Variants in CNTNAP5 observed in about 807,000 individuals in gnomAD.
CNTNAP5 encodes contactin-associated protein-like 5.
Under a neutral mutation model 150.2 loss-of-function variants are expected in CNTNAP5, and 72 were observed. That is an observed-to-expected ratio of 0.48 (90% CI 0.40 to 0.58). The LOEUF (loss-of-function observed/expected upper bound fraction) is 0.58. Ranked by LOEUF, CNTNAP5 falls within the 20% of genes least tolerant of loss-of-function variation. CNTNAP5 has a pLI of 0.00. For synonymous variants in CNTNAP5, 672 were observed against 619.8 expected, an observed-to-expected ratio of 1.08 and a Z score of -1.25; for missense variants, 1,636 against 1,626.2, an observed-to-expected ratio of 1.01 and a Z score of -0.10.
chr2:124,914,692 C>T lies in CNTNAP5; in HGVS notation c.*404C>T, dbSNP rs558462294. The T allele has an allele frequency of 1.3e-5, 2 of 157,160 alleles. No homozygotes were observed. Among genetic ancestry groups the T allele is most frequent in the Non-Finnish European group, 2.8e-5 (2 of 71,370 alleles). 9.7% of individuals were successfully genotyped at this position (157,160 alleles called of 1,614,324 possible). On this transcript the variant is annotated 3_prime_UTR_variant, in exon 24 of 24. Coordinates refer to ENST00000682447, the MANE Select transcript of CNTNAP5 (RefSeq NM_001367498.1). ...GCACATGACGGTCATTCCTGACATC[C>T]TCCCCAGCTCAAGTCTATTCTTACC...
chr2:124,748,406 C>A (rs1458052374), intron 14 of CNTNAP5, among the ~76,000 whole-genome samples: 9 of 152,116 alleles, frequency 5.9e-5, no homozygotes, highest in Non-Finnish European at 1.2e-4. Context: ...TACATTTACT[C>A]TTCTTTTATC....
chr2:124,670,790 C>A (rs143133363), intron 13 of CNTNAP5, among the ~76,000 whole-genome samples: 8 of 152,180 alleles, frequency 5.3e-5, no homozygotes, highest in African/African-American at 1.9e-4. Flanking sequence ...ATAAATAGAA[C>A]CTTCTTAGCA....
At chr2:124,820,382 A>G (rs1346871772) in intron 19 of CNTNAP5, among the ~76,000 whole-genome samples, 1 of 152,084 alleles carries the variant, frequency 6.6e-6, no homozygotes, top group Admixed American at 6.6e-5. Flanking sequence ...CTAAACCACA[A>G]TTTGATCTGT....
At chr2:124,698,952 T>C (rs1173643402) in intron 13 of CNTNAP5, among the ~76,000 whole-genome samples, 1 of 152,214 alleles carries the variant, frequency 6.6e-6, no homozygotes, top group Non-Finnish European at 1.5e-5. Flanking sequence ...AATGGAATTC[T>C]GTATGATGAT....
intron 16 of CNTNAP5, 32 bp downstream of exon 16, chr2:124,764,179 C>G: frequency 6.4e-7 from 1 of 1,571,648 alleles, no homozygotes; most frequent in Non-Finnish European, 8.7e-7. Flanking sequence ...TTTAATGTAA[C>G]TGATCAACAA....
intron 19 of CNTNAP5, among the ~76,000 whole-genome samples, chr2:124,831,678 C>T (rs1682719223): frequency 6.6e-6 from 1 of 151,032 alleles, no homozygotes; most frequent in African/African-American, 2.4e-5. Context: ...TTTTTAGAAA[C>T]ATATTTCCTT....
intron 13 of CNTNAP5, among the ~76,000 whole-genome samples, chr2:124,656,848 A>G (rs961863937): frequency 6.6e-6 from 1 of 152,238 alleles, no homozygotes; most frequent in Non-Finnish European, 1.5e-5. Flanking sequence ...ACAATGTTCT[A>G]ATATTAAGAT....
At chr2:124,848,820 AC>A (rs1683100756) in intron 19 of CNTNAP5, among the ~76,000 whole-genome samples, 1 of 152,102 alleles carries the variant, frequency 6.6e-6, no homozygotes, top group African/African-American at 2.4e-5. Context: ...TCTATCCAGA[AC>A]TTTTGCTCAC....
intron 2 of CNTNAP5, among the ~76,000 whole-genome samples, chr2:124,233,942 A>G (rs1012555532): frequency 6.6e-6 from 1 of 152,066 alleles, no homozygotes; most frequent in African/African-American, 2.4e-5. Flanking sequence ...TGTCTTTTAA[A>G]AGAAAATTGC....
At position 124,311,532 on chromosome 2, in the gene CNTNAP5, C is replaced by A. The variant is rs538243954; in HGVS notation, c.381+69139C>A. ...GACACCAATCCTACTAGGTCTCCAC[C>A]CTTAATTACTTCCTAAAAGTCCTTT... On this transcript the variant is annotated intron_variant, in intron 3 of 23. Coordinates refer to ENST00000682447, the MANE Select transcript of CNTNAP5 (RefSeq NM_001367498.1). Among the ~76,000 whole-genome samples, 6 of 152,232 alleles carry A rather than the reference C, an allele frequency of 3.9e-5. No individual in the cohort carries two copies. In the South Asian group the frequency reaches 1.2e-3, roughly 32 times the overall value.
chr2:124,434,727 A>G lies in CNTNAP5; in HGVS notation c.733+40A>G, dbSNP rs772026277. ...CCTCTTCCAATGCCAAGGGATGGAG[A>G]GCTCCTTTACTCCACAGCTCACAGT... On this transcript the variant is annotated intron_variant, in intron 5 of 23. Transcript: ENST00000682447. 5.9e-6 allele frequency: 9 copies of G among 1,536,592 alleles called. No individual in the cohort carries two copies. In the East Asian group the frequency reaches 1.4e-4, roughly 24 times the overall value.
At chr2:124,606,933 A>T (rs914578493) in intron 11 of CNTNAP5, among the ~76,000 whole-genome samples, 1 of 152,082 alleles carries the variant, frequency 6.6e-6, no homozygotes, top group African/African-American at 2.4e-5. Context: ...AAAAACTCAT[A>T]AAAAAAGGAG....
chr2:124,190,803 T>C (rs1451023258), intron 1 of CNTNAP5, among the ~76,000 whole-genome samples: 3 of 152,222 alleles, frequency 2.0e-5, no homozygotes, highest in African/African-American at 4.8e-5. Context: ...ATATGTTGTG[T>C]ATACATATAC....
intron 19 of CNTNAP5, among the ~76,000 whole-genome samples, chr2:124,837,964 C>T (rs1243441180): frequency 6.6e-6 from 1 of 152,024 alleles, no homozygotes; most frequent in Non-Finnish European, 1.5e-5. Context: ...AAATGTGGTG[C>T]TGCATTAATA....
intron 1 of CNTNAP5, among the ~76,000 whole-genome samples, chr2:124,179,391 C>A: frequency 6.6e-6 from 1 of 152,098 alleles, no homozygotes; most frequent in East Asian, 1.9e-4. Flanking sequence ...AACTCCTGAC[C>A]TTAGGTGATC....
intron 1 of CNTNAP5, among the ~76,000 whole-genome samples, chr2:124,204,332 C>G (rs1685808351): frequency 6.6e-6 from 1 of 152,170 alleles, no homozygotes; most frequent in Admixed American, 6.5e-5. Flanking sequence ...TCCATATCAC[C>G]ATCAGCATTT....
At chr2:124,782,804 T>C (rs1681482946) in intron 17 of CNTNAP5, among the ~76,000 whole-genome samples, 1 of 152,170 alleles carries the variant, frequency 6.6e-6, no homozygotes, top group South Asian at 2.1e-4. Context: ...GACCAACAGT[T>C]CTACTCCTAG....
At chr2:124,480,796 G>A (rs773104680) in intron 7 of CNTNAP5, among the ~76,000 whole-genome samples, 3 of 151,962 alleles carry the variant, frequency 2.0e-5, no homozygotes, top group Admixed American at 6.6e-5. Flanking sequence ...TTGACCAGTC[G>A]GACATCCACA....
rs1558746812 is a variant in CNTNAP5, at chr2:124,713,297, CTTTCTTCTTTCT to C, written c.2078-33931_2078-33920del. Among the ~76,000 whole-genome samples the C allele has an allele frequency of 4.2e-4, 43 of 102,634 alleles. No homozygotes were observed. In the Middle Eastern group the frequency reaches 0.015, roughly 37 times the overall value. The allele number at this position is 102,634 out of a possible 152,430, so 67.3% of individuals were successfully genotyped here. A position where few individuals can be genotyped will look rare whatever the true frequency, so the allele number is the denominator to read the frequency against. ...TCTTTCTTTCTTTCTTTCTTTCTTTCTTTCTTCTTTCTCTTTCTTTCCTTTCTTTCTTTCTTT... is the reference window on the plus strand; with the variant it reads ...TCTTTCTTTCTTTCTTTCTTTCTTTCCTTTCTTTCCTTTCTTTCTTTCTTT... On this transcript the variant is annotated intron_variant, in intron 13 of 23. Transcript: ENST00000682447.
Sources: allele counts gnomAD v4.1 joint callset (sites outside exome capture counted in the v4.1 genomes callset), GRCh38; gene constraint gnomAD v4.1.1; transcripts MANE v1.5; gene names NCBI Gene and HGNC (gene_info 2026-07-23, HGNC 2026-07-21).